SLC35F1: variants seen among roughly 807,000 people sequenced by gnomAD.
The protein encoded by SLC35F1 is solute carrier family 35 member F1.
A neutral mutation model predicts 48.7 loss-of-function variants in SLC35F1; 14 were observed. The observed-to-expected ratio is 0.29, with a 90% CI of 0.19 to 0.45. SLC35F1 has a LOEUF of 0.45. SLC35F1 is among the 20% of genes least tolerant of loss of function. The pLI is 1.00. For synonymous variants in SLC35F1, 190 were observed against 202.2 expected (o/e 0.94, Z 0.51); for missense variants, 404 against 500.0 (o/e 0.81, Z 1.83).
intron 2 of SLC35F1, among the ~76,000 whole-genome samples, chr6:118,155,309 C>T (rs1774122621): frequency 6.6e-6 from 1 of 152,184 alleles, no homozygotes; most frequent in Non-Finnish European, 1.5e-5. Flanking sequence ...CCCTCCAAAA[C>T]TCATGTTGAA....
intron 1 of SLC35F1, among the ~76,000 whole-genome samples, chr6:118,123,005 A>G (rs955891024): frequency 1.3e-5 from 2 of 152,192 alleles, no homozygotes; most frequent in Non-Finnish European, 2.9e-5. Context: ...GCAGCAGCTA[A>G]CTCATCTAAT....
intron 1 of SLC35F1, among the ~76,000 whole-genome samples, chr6:118,105,397 C>G (rs1243164064): frequency 6.6e-6 from 1 of 152,162 alleles, no homozygotes; most frequent in Non-Finnish European, 1.5e-5. Flanking sequence ...TACCAGAGAC[C>G]TACTCTATGT....
intron 1 of SLC35F1, among the ~76,000 whole-genome samples, chr6:118,107,141 T>C (rs1474472432): frequency 6.6e-6 from 1 of 152,210 alleles, no homozygotes; most frequent in Non-Finnish European, 1.5e-5. Flanking sequence ...GAATAGTGTC[T>C]GATACATGGT....
At chr6:118,273,844 T>C (rs1003207384) in intron 4 of SLC35F1, among the ~76,000 whole-genome samples, 5 of 152,162 alleles carry the variant, frequency 3.3e-5, no homozygotes, top group African/African-American at 1.2e-4. Context: ...TCCATTCCCT[T>C]GAGGATGACT....
At chr6:118,005,740 T>C (rs1163063600) in intron 1 of SLC35F1, among the ~76,000 whole-genome samples, 5 of 152,212 alleles carry the variant, frequency 3.3e-5, no homozygotes, top group African/African-American at 1.2e-4. Context: ...ATGCTTCCTT[T>C]GGCTATCCAA....
In SLC35F1 at chr6:118,198,384, T is replaced by C. The variant is rs1318658605; in HGVS notation, c.350-37125T>C. On this transcript the variant is annotated intron_variant, in intron 2 of 7. Transcript: ENST00000360388. ...CATAAAAGTGTTTCAAACTGAAACA[T>C]TTTTGAGAATAAAAGGAGGCCCTAT... is the stretch of plus-strand genomic sequence containing the variant. Among the ~76,000 whole-genome samples the C allele has an allele frequency of 2.0e-5, 3 of 152,014 alleles. No homozygotes were observed. In the East Asian group the frequency reaches 5.8e-4, roughly 29 times the overall value.
chr6:118,160,702 C>A (rs1220456549), intron 2 of SLC35F1, among the ~76,000 whole-genome samples: 1 of 152,136 alleles, frequency 6.6e-6, no homozygotes, highest in Non-Finnish European at 1.5e-5. Flanking sequence ...GCTCTCCTGG[C>A]CCCTTCTGCT....
intron 1 of SLC35F1, among the ~76,000 whole-genome samples, chr6:117,971,071 C>T (rs1776631204): frequency 6.6e-6 from 1 of 152,176 alleles, no homozygotes; most frequent in Admixed American, 6.5e-5. Context: ...TACCCTCCAC[C>T]TACGCGCCTG....
At chr6:117,916,878 AGAAT>A (rs1775832812) in intron 1 of SLC35F1, among the ~76,000 whole-genome samples, 2 of 152,266 alleles carry the variant, frequency 1.3e-5, no homozygotes, top group Non-Finnish European at 2.9e-5. Context: ...CATTTAACAA[AGAAT>A]TACTGAGTCA....
intron 2 of SLC35F1, among the ~76,000 whole-genome samples, chr6:118,230,948 G>C (rs1164427453): frequency 6.6e-6 from 1 of 152,072 alleles, no homozygotes; most frequent in Non-Finnish European, 1.5e-5. Flanking sequence ...GAGACAGAGA[G>C]AGACCCTGTC....
chr6:118,143,670 T>C (rs372415136), intron 1 of SLC35F1, among the ~76,000 whole-genome samples: 1 of 152,224 alleles, frequency 6.6e-6, no homozygotes, highest in Admixed American at 6.5e-5. Flanking sequence ...TGCAATTTTA[T>C]AGACAAATTT....
intron 1 of SLC35F1, among the ~76,000 whole-genome samples, chr6:117,998,533 G>T (rs887883360): frequency 1.3e-5 from 2 of 152,036 alleles, no homozygotes; most frequent in Non-Finnish European, 2.9e-5. Context: ...AAGTAAAGCT[G>T]TCCTCAGCAA....
intron 7 of SLC35F1, among the ~76,000 whole-genome samples, chr6:118,297,638 A>ATGT (rs1175884886): frequency 1.1e-5 from 1 of 89,004 alleles, no homozygotes; most frequent in Non-Finnish European, 2.3e-5. Flanking sequence ...ATATATATAT[A>ATGT]AAAAATATAT....
At chr6:118,290,798 ATT>A (rs67467513) in intron 7 of SLC35F1, among the ~76,000 whole-genome samples, 10 of 142,410 alleles carry the variant, frequency 7.0e-5, no homozygotes, top group Admixed American at 2.1e-4. Flanking sequence ...AAAATCGACT[ATT>A]TTTTTTTTTT....
chr6:118,278,677 A>G (rs1775946594), intron 6 of SLC35F1, among the ~76,000 whole-genome samples: 2 of 152,232 alleles, frequency 1.3e-5, no homozygotes, highest in Non-Finnish European at 2.9e-5. Flanking sequence ...CAACAGGGCA[A>G]GGAGAGAGAG....
chr6:118,211,825 C>A (rs1775004233), intron 2 of SLC35F1, among the ~76,000 whole-genome samples: 1 of 152,124 alleles, frequency 6.6e-6, no homozygotes, highest in Admixed American at 6.5e-5. Context: ...TGATGCATTA[C>A]CTAAATAATT....
chr6:117,939,943 G>T (rs1431843975), intron 1 of SLC35F1, among the ~76,000 whole-genome samples: 1 of 152,166 alleles, frequency 6.6e-6, no homozygotes, highest in Non-Finnish European at 1.5e-5. Flanking sequence ...ATGGAAGGTA[G>T]AATGGGCAAA....
intron 1 of SLC35F1, among the ~76,000 whole-genome samples, chr6:117,962,430 T>C (rs777207632): frequency 2.0e-5 from 3 of 152,228 alleles, no homozygotes; most frequent in Non-Finnish European, 2.9e-5. Flanking sequence ...CATTTTGAAA[T>C]GACTCCCTCC....
At position 118,285,778 on chromosome 6, in the gene SLC35F1, A is replaced by G. The variant is rs541887242; in HGVS notation, c.1002+440A>G. On this transcript the variant is annotated intron_variant, in intron 7 of 7. Coordinates refer to ENST00000360388, the MANE Select transcript of SLC35F1 (RefSeq NM_001029858.4). ...GTTTCTGCTTTGCAGATTTTTTTATAGCAAATATGAATGGAAAATGCTAAT... is the reference window on the plus strand; with the variant it reads ...GTTTCTGCTTTGCAGATTTTTTTATGGCAAATATGAATGGAAAATGCTAAT... Among the ~76,000 whole-genome samples the G allele has an allele frequency of 4.6e-5, 7 of 152,334 alleles. No homozygotes were observed. The South Asian group carries it at 1.4e-3, about 32-fold the overall frequency.
Sources: allele counts gnomAD v4.1 joint callset (sites outside exome capture counted in the v4.1 genomes callset), GRCh38; gene constraint gnomAD v4.1.1; transcripts MANE v1.5; gene names NCBI Gene and HGNC (gene_info 2026-07-23, HGNC 2026-07-21).